The following SPIDR variants were observed in gnomAD, a reference collection of about 807,000 sequenced individuals.
The protein encoded by SPIDR is DNA repair-scaffolding protein.
A neutral mutation model predicts 104.6 loss-of-function variants in SPIDR; 93 were observed. That is an observed-to-expected ratio of 0.89 (90% CI 0.75 to 1.06). SPIDR has a LOEUF of 1.06. Ranked by LOEUF, SPIDR falls within the 50% of genes least tolerant of loss-of-function variation. SPIDR has a pLI of 0.00. For synonymous variants in SPIDR, 431 were observed against 416.9 expected (o/e 1.03, Z -0.41); for missense variants, 1,154 against 1,111.2 (o/e 1.04, Z -0.55).
intron 8 of SPIDR, among the ~76,000 whole-genome samples, chr8:47,487,113 G>A (rs565571996): frequency 6.6e-6 from 1 of 152,178 alleles, no homozygotes; most frequent in African/African-American, 2.4e-5. Context: ...CCCATCTGAT[G>A]TGCAGAGACA....
intron 6 of SPIDR, among the ~76,000 whole-genome samples, chr8:47,406,475 A>G (rs2062772457): frequency 6.6e-6 from 1 of 152,242 alleles, no homozygotes; most frequent in Admixed American, 6.5e-5. Context: ...AATAGGAAGT[A>G]GAGGTTGACA....
At chr8:47,648,159 G>A (rs1209717605) in intron 10 of SPIDR, among the ~76,000 whole-genome samples, 1 of 152,194 alleles carries the variant, frequency 6.6e-6, no homozygotes, top group East Asian at 1.9e-4. Flanking sequence ...TAAAGACATG[G>A]TGCAGAACTG....
At chr8:47,543,451 A>C (rs539943117) in intron 8 of SPIDR, among the ~76,000 whole-genome samples, 2 of 152,324 alleles carry the variant, frequency 1.3e-5, no homozygotes, top group East Asian at 3.9e-4. Flanking sequence ...TTTGGAAAGG[A>C]GAGCTTTATT....
At chr8:47,531,454 T>A (rs370708194) in intron 8 of SPIDR, among the ~76,000 whole-genome samples, 5 of 152,204 alleles carry the variant, frequency 3.3e-5, no homozygotes, top group African/African-American at 1.2e-4. Context: ...CCATGGTAGA[T>A]CACTTGGTTT....
At chr8:47,681,873 A>T (rs1563527288) in intron 11 of SPIDR, among the ~76,000 whole-genome samples, 1 of 152,210 alleles carries the variant, frequency 6.6e-6, no homozygotes, top group Non-Finnish European at 1.5e-5. Flanking sequence ...ATAATAAAGG[A>T]GTGTGTAGAA....
intron 8 of SPIDR, among the ~76,000 whole-genome samples, chr8:47,456,691 G>C (rs1416164002): frequency 6.6e-6 from 1 of 152,006 alleles, no homozygotes; most frequent in Non-Finnish European, 1.5e-5. Flanking sequence ...CAATTTGTGA[G>C]ACTTTGGTGC....
At chr8:47,264,410 G>A (rs2033396341) in intron 1 of SPIDR, among the ~76,000 whole-genome samples, 1 of 152,052 alleles carries the variant, frequency 6.6e-6, no homozygotes, top group Non-Finnish European at 1.5e-5. Flanking sequence ...TGGTATTTAA[G>A]TCCCAGGGAG....
intron 8 of SPIDR, among the ~76,000 whole-genome samples, chr8:47,505,415 G>T (rs2081313958): frequency 6.6e-6 from 1 of 152,182 alleles, no homozygotes; most frequent in Admixed American, 6.5e-5. Context: ...AGGGCTCTGT[G>T]GGCATAGGAC....
chr8:47,300,688 C>T (rs921482213), intron 5 of SPIDR, among the ~76,000 whole-genome samples: 2 of 152,142 alleles, frequency 1.3e-5, no homozygotes, highest in Admixed American at 6.5e-5. Flanking sequence ...TTTATTTCTG[C>T]CTTCATTTCG....
intron 8 of SPIDR, among the ~76,000 whole-genome samples, chr8:47,564,979 G>A (rs756642844): frequency 6.6e-6 from 1 of 152,092 alleles, no homozygotes; most frequent in African/African-American, 2.4e-5. Flanking sequence ...AGGCACACTC[G>A]CTCATGCCTG....
chr8:47,310,151 A>G (rs1398472897), intron 5 of SPIDR, among the ~76,000 whole-genome samples: 2 of 151,012 alleles, frequency 1.3e-5, no homozygotes, highest in Non-Finnish European at 1.5e-5. Context: ...TGGCTAACAC[A>G]GTGAAACCCC....
chr8:47,729,233 A>G, intron 18 of SPIDR, 179 bp from the exon 19 acceptor site: 3 of 1,445,944 alleles, frequency 2.1e-6, no homozygotes, highest in Non-Finnish European at 1.9e-6. Flanking sequence ...GGGAGGATGC[A>G]CCCTATGTGA....
At chr8:47,277,634 G>A (rs2036790571) in intron 1 of SPIDR, among the ~76,000 whole-genome samples, 2 of 149,564 alleles carry the variant, frequency 1.3e-5, no homozygotes, top group African/African-American at 4.9e-5. Context: ...GGGATTACAG[G>A]TGTGACCCAT....
chr8:47,605,821 TA>T (rs749028531), intron 10 of SPIDR, among the ~76,000 whole-genome samples: 4 of 152,116 alleles, frequency 2.6e-5, no homozygotes, highest in African/African-American at 9.6e-5. Flanking sequence ...CATAGATGCT[TA>T]AAAAAAATAG....
intron 8 of SPIDR, among the ~76,000 whole-genome samples, chr8:47,480,337 A>G (rs2076760718): frequency 6.6e-6 from 1 of 152,244 alleles, no homozygotes; most frequent in South Asian, 2.1e-4. Context: ...TATATCTTAG[A>G]TACAAACATG....
At chr8:47,504,330 GTTTCTTTTTTTTCT>G (rs1463260733) in intron 8 of SPIDR, among the ~76,000 whole-genome samples, 2 of 151,952 alleles carry the variant, frequency 1.3e-5, no homozygotes, top group Non-Finnish European at 2.9e-5. Context: ...GGCTTTGTTC[GTTTCTTTTTTTTCT>G]TTTTTCTCTA....
Position 47,564,373 on chromosome 8 carries a change from G to A in SPIDR, c.1098-31438G>A, listed in dbSNP as rs187561492. On this transcript the variant is annotated intron_variant, in intron 8 of 19. Transcript: ENST00000297423. The stretch of plus-strand genomic sequence containing the variant: ...ATTACAGGCATGAGCCACCACGCCC[G>A]ACTTTTTACAGAATTTAGTAGTTAG... 3.7e-3 allele frequency among the ~76,000 whole-genome samples: 563 copies of A among 150,286 alleles called. 16 individuals are homozygous for A. The highest frequency in any genetic ancestry group is 0.035 in the Admixed American group (529 of 15,048).
intron 10 of SPIDR, among the ~76,000 whole-genome samples, chr8:47,617,206 A>G (rs1020962352): frequency 6.6e-6 from 1 of 152,184 alleles, no homozygotes; most frequent in Non-Finnish European, 1.5e-5. Context: ...TCTGGTGTCT[A>G]TGAAGTTACT....
In SPIDR at chr8:47,363,681, A is replaced by G. The variant is rs369914241; in HGVS notation, c.526-32695A>G. Among the ~76,000 whole-genome samples the G allele has an allele frequency of 7.2e-5, 11 of 152,002 alleles. No individual in the cohort carries two copies. In the South Asian group the frequency reaches 2.1e-3, roughly 29 times the overall value. On this transcript the variant is annotated intron_variant, in intron 5 of 19. Transcript: ENST00000297423. ...CAGTTATTTATGTTATCGAAATGAT[A>G]TTTTAAAAAAAATACTCCCTTTCTG...
Sources: allele counts gnomAD v4.1 joint callset (sites outside exome capture counted in the v4.1 genomes callset), GRCh38; gene constraint gnomAD v4.1.1; transcripts MANE v1.5; gene names NCBI Gene and HGNC (gene_info 2026-07-23, HGNC 2026-07-21).